The following BCL11A variants were observed in gnomAD, a reference collection of about 807,000 sequenced individuals.
The protein encoded by BCL11A is B cell CLL/lymphoma 11A.
Under a neutral mutation model 55.9 loss-of-function variants are expected in BCL11A, and 2 were observed. The ratio of observed to expected loss-of-function variants is 0.04; its 90% confidence interval spans 0.01 to 0.11. The LOEUF is 0.11. Ranked by LOEUF, BCL11A falls within the 10% of genes least tolerant of loss-of-function variation. BCL11A has a pLI of 1.00. For missense variants in BCL11A, 817 were observed against 1,137.1 expected, an observed-to-expected ratio of 0.72 and a Z score of 4.05; for synonymous variants, 465 against 473.4, an observed-to-expected ratio of 0.98 and a Z score of 0.23.
At chr2:60,451,909 TTAC>T (rs1252080301) in exon 5 of BCL11A, 5 of 229,276 alleles carry the variant, frequency 2.2e-5, no homozygotes, top group Admixed American at 5.7e-5. Flanking sequence ...AACAGCAATA[TTAC>T]TACTACATTA....
intron 2 of BCL11A, chr2:60,526,980 A>G (rs948669580): frequency 2.0e-5 from 3 of 152,228 alleles, no homozygotes; most frequent in Non-Finnish European, 4.4e-5. Context: ...TACCCGGCTC[A>G]TCCAACAGCC....
chr2:60,459,471 A>G lies in BCL11A; in HGVS notation c.*933T>C. ...AAGTAGCTTTTATACTGGTATAATCAGTTTTGTTTATAAAATTAAACTAAA... is the reference window on the plus strand; with the variant it reads ...AAGTAGCTTTTATACTGGTATAATCGGTTTTGTTTATAAAATTAAACTAAA... On this transcript the variant is annotated 3_prime_UTR_variant, in exon 4 of 4. Transcript: ENST00000642384. The G allele has an allele frequency of 9.8e-7, 1 of 1,021,028 alleles. No homozygotes were observed. The highest frequency in any genetic ancestry group is 1.2e-6 in the Non-Finnish European group (1 of 850,588). 63.2% of individuals were successfully genotyped at this position (1,021,028 alleles called of 1,614,324 possible).
Position 60,462,425 on chromosome 2 carries a change from C to A in BCL11A, c.488-1G>T. On this transcript the variant is annotated splice_acceptor_variant, in intron 3 of 3. Coordinates refer to ENST00000642384, the MANE Select transcript of BCL11A (RefSeq NM_022893.4). LOFTEE classifies it high-confidence loss of function. Reference sequence around the variant, plus strand: ...GTGTAGCTGCTGGGCTCATCTTTACCTGCAAAATAATACAACACCAACATC... The same window carrying A: ...GTGTAGCTGCTGGGCTCATCTTTACATGCAAAATAATACAACACCAACATC... 6.3e-7 allele frequency: 1 copy of A among 1,589,262 alleles called. No homozygotes were observed. The highest frequency in any genetic ancestry group is 1.1e-5 in the South Asian group (1 of 87,070).
intron 2 of BCL11A, among the ~76,000 whole-genome samples, chr2:60,469,593 AC>A (rs1296911423): frequency 6.6e-6 from 1 of 152,226 alleles, no homozygotes; most frequent in African/African-American, 2.4e-5. Context: ...AGAAACCCTG[AC>A]CCATCTTCAC....
chr2:60,496,882 T>C (rs1003641551), intron 2 of BCL11A, among the ~76,000 whole-genome samples: 4 of 152,140 alleles, frequency 2.6e-5, no homozygotes, highest in African/African-American at 7.2e-5. Flanking sequence ...AAAAGCAGCA[T>C]GCAAACTGAA....
chr2:60,513,796 G>T (rs1200461794), intron 2 of BCL11A, among the ~76,000 whole-genome samples: 1 of 152,180 alleles, frequency 6.6e-6, no homozygotes, highest in East Asian at 1.9e-4. Flanking sequence ...CACCTACGAA[G>T]GGTCCTATGC....
At chr2:60,476,484 T>C (rs1677605300) in intron 2 of BCL11A, among the ~76,000 whole-genome samples, 1 of 151,376 alleles carries the variant, frequency 6.6e-6, no homozygotes, top group Non-Finnish European at 1.5e-5. Context: ...GAAAAGGGAG[T>C]CCTCTCCCCA....
At chr2:60,537,981 C>T (rs1201637699) in intron 2 of BCL11A, 1 of 152,194 alleles carries the variant, frequency 6.6e-6, no homozygotes, top group African/African-American at 2.4e-5. Flanking sequence ...AGTGAGAATA[C>T]AAACAAAAAC....
chr2:60,553,024 A>C (rs1670486491), intron 1 of BCL11A, among the ~76,000 whole-genome samples, 192 bp downstream of exon 1: 1 of 151,904 alleles, frequency 6.6e-6, no homozygotes, highest in Non-Finnish European at 1.5e-5. Flanking sequence ...AAAAGTGCAT[A>C]CACGGCAATG....
chr2:60,483,520 C>A (rs1678078479), intron 2 of BCL11A, among the ~76,000 whole-genome samples: 1 of 152,212 alleles, frequency 6.6e-6, no homozygotes, highest in Admixed American at 6.5e-5. Flanking sequence ...CCCAAATCAA[C>A]TGCTGTCTAT....
At chr2:60,498,135 G>T (rs1420842496) in intron 2 of BCL11A, among the ~76,000 whole-genome samples, 1 of 151,836 alleles carries the variant, frequency 6.6e-6, no homozygotes, top group African/African-American at 2.4e-5. Context: ...TGGAGGTGTG[G>T]AGGGGATAAC....
chr2:60,553,287 G>C lies in BCL11A; in HGVS notation c.-17C>G, dbSNP rs1228733507. 7.0e-6 allele frequency: 8 copies of C among 1,149,634 alleles called. No homozygotes were observed. Among genetic ancestry groups the C allele is most frequent in the Non-Finnish European group, 7.7e-6 (7 of 909,974 alleles). 71.2% of individuals were successfully genotyped at this position (1,149,634 alleles called of 1,614,324 possible). A position where few individuals can be genotyped will look rare whatever the true frequency, so the allele number is the denominator to read the frequency against. The stretch of plus-strand genomic sequence containing the variant: ...GCGAGACATGGTGGGCTGCGGGGCG[G>C]GCGGCGGCGGCGGCGGCGGCGGCGG... On this transcript the variant is annotated 5_prime_UTR_variant, in exon 1 of 4. Coordinates refer to ENST00000642384, the MANE Select transcript of BCL11A (RefSeq NM_022893.4).
intron 2 of BCL11A, among the ~76,000 whole-genome samples, chr2:60,500,461 G>C (rs1336528676): frequency 2.6e-5 from 4 of 152,196 alleles, no homozygotes; most frequent in Non-Finnish European, 4.4e-5. Flanking sequence ...ATCCCAGCAG[G>C]AACTTACATC....
rs10539208 is a variant in BCL11A at position 60,497,628 on chromosome 2, GATAATA to G, written c.386-28801_386-28796del. ...TGATGATAATGACCATTATGATGAT[GATAATA>G]ATAATAATAGCTTCCACTGGATGGC... On this transcript the variant is annotated intron_variant, in intron 2 of 3. Transcript: ENST00000642384. Among the ~76,000 whole-genome samples the G allele has an allele frequency of 7.2e-5, 11 of 151,948 alleles. No individual in the cohort carries two copies. In the East Asian group the frequency reaches 1.9e-3, roughly 27 times the overall value.
At chr2:60,533,738 C>T (rs1194922425) in intron 2 of BCL11A, 1 of 152,092 alleles carries the variant, frequency 6.6e-6, no homozygotes, top group Non-Finnish European at 1.5e-5. Flanking sequence ...AATAAAAAGC[C>T]CCTGGATCTC....
intron 2 of BCL11A, among the ~76,000 whole-genome samples, chr2:60,516,743 G>A (rs950093151): frequency 6.6e-6 from 1 of 152,240 alleles, no homozygotes; most frequent in Non-Finnish European, 1.5e-5. Context: ...CTGAGCATGA[G>A]TCATCAATGA....
chr2:60,493,686 T>C (rs1038340729), intron 2 of BCL11A, among the ~76,000 whole-genome samples: 2 of 152,154 alleles, frequency 1.3e-5, no homozygotes, highest in African/African-American at 4.8e-5. Flanking sequence ...ACCTCCCCCA[T>C]TAGCAGCATG....
In BCL11A at chr2:60,546,859, CTA is replaced by C. The variant is rs1450904181; in HGVS notation, c.56-561_56-560del. 1.3e-5 allele frequency among the ~76,000 whole-genome samples: 2 copies of C among 152,036 alleles called. No individual in the cohort carries two copies. The highest frequency in any genetic ancestry group is 4.8e-5 in the African/African-American group (2 of 41,388). On this transcript the variant is annotated intron_variant, in intron 1 of 3. Coordinates refer to ENST00000642384, the MANE Select transcript of BCL11A (RefSeq NM_022893.4). This position sits in a 1 kb window ranked among gnomAD's most constrained non-coding sequence, Gnocchi z 4.1. ...CATGGCTTCATAAATTAGAAAGCTA[CTA>C]TGTCACATGAAAAATGTGCCACATT...
chr2:60,473,744 T>C (rs1004195199), intron 2 of BCL11A, among the ~76,000 whole-genome samples: 28 of 152,360 alleles, frequency 1.8e-4, no homozygotes, highest in Middle Eastern at 3.4e-3. Flanking sequence ...ACATTAGCTA[T>C]GCCTGTGACT....
Sources: gnomAD v4.1 joint callset for allele counts (sites outside exome capture counted in the v4.1 genomes callset) on GRCh38, gnomAD v4.1.1 for gene constraint, Gnocchi (gnomAD v3.1) non-coding constraint, MANE v1.5 for transcripts, NCBI Gene and HGNC (gene_info 2026-07-23, HGNC 2026-07-21) for gene names.